The following MAU2 variants were observed in gnomAD, a reference collection of about 807,000 sequenced individuals.
MAU2 encodes the protein MAU2 sister chromatid cohesion factor.
A neutral mutation model predicts 89.1 loss-of-function variants in MAU2; 9 were observed. That is an observed-to-expected ratio of 0.10 (90% CI 0.06 to 0.18). MAU2 has a LOEUF of 0.18. Ranked by LOEUF, MAU2 falls within the 10% of genes least tolerant of loss-of-function variation. The probability of loss-of-function intolerance (pLI) is 1.00; values close to 1 mark genes in which losing one functional copy is unlikely to be tolerated. For synonymous variants in MAU2, 357 were observed against 343.4 expected, an observed-to-expected ratio of 1.04 and a Z score of -0.44; for missense variants, 425 against 803.5, an observed-to-expected ratio of 0.53 and a Z score of 5.69.
chr19:19,354,218 TC>T (rs1373148696), intron 16 of MAU2, 136 bp from the exon 17 acceptor site: 6 of 684,364 alleles, frequency 8.8e-6, no homozygotes, highest in Non-Finnish European at 1.6e-5. Flanking sequence ...GCATAGGAGT[TC>T]ACCAGACGCA....
Position 19,349,224 on chromosome 19 carries a change from C to G in MAU2, c.1428C>G (p.Asn476Lys). 6.2e-7 allele frequency: 1 copy of G among 1,614,204 alleles called. No individual in the cohort carries two copies. Among genetic ancestry groups the G allele is most frequent in the Non-Finnish European group, 8.5e-7 (1 of 1,180,050 alleles). ...GLFSFFQGRY[N>K]EAKRFLRETL... Reference sequence around the variant, plus strand: ...TCTCCTTCTTCCAGGGACGCTACAACGAGGCCAAGTAAGTGTGGGGCAGAG... The same window carrying G: ...TCTCCTTCTTCCAGGGACGCTACAAGGAGGCCAAGTAAGTGTGGGGCAGAG... The change falls in exon 15 of 19, where the codon AAC (asparagine) becomes AAG (lysine). Residue 476 changes from asparagine (N) to lysine (K), a missense_variant. Transcript: ENST00000262815.
rs749508328 is a variant in MAU2, at chr19:19,341,415, G to A, written c.735+8G>A. 6.2e-7 allele frequency: 1 copy of A among 1,613,342 alleles called. No homozygotes were observed. The highest frequency in any genetic ancestry group is 8.5e-7 in the Non-Finnish European group (1 of 1,179,940). On this transcript the variant is annotated splice_region_variant and intron_variant, in intron 7 of 18. Transcript: ENST00000262815. ...TATCTGGATGCCGGGCAGGTGTGTG[G>A]CGCCTCTCAGGCGAGCTGCTGGTTG...
intron 17 of MAU2, 156 bp downstream of exon 17, chr19:19,354,601 C>G: frequency 1.5e-6 from 1 of 664,098 alleles, no homozygotes; most frequent in Non-Finnish European, 2.7e-6. Flanking sequence ...CTCAGGAGAC[C>G]CTGGTTGAGG....
rs746140804 is a variant in MAU2, at chr19:19,341,260, G to A, written c.588G>A (p.Leu196=). 1.2e-6 allele frequency: 2 copies of A among 1,611,488 alleles called. No homozygotes were observed. The highest frequency in any genetic ancestry group is 1.7e-5 in the Admixed American group (1 of 60,022). ...CGCCTCTCCCTCCCCAGCTGCTGCTGATGGAGCGAAAGCTGCAGGAGGTGC... is the reference window on the plus strand; with the variant it reads ...CGCCTCTCCCTCCCCAGCTGCTGCTAATGGAGCGAAAGCTGCAGGAGGTGC... ...LFLLSKGMLL[L]MERKLQEVHP... The change falls in exon 7 of 19, where the codon CTG becomes CTA. Residue 196 remains leucine (L), a synonymous_variant. Transcript: ENST00000262815.
At chr19:19,333,340 G>C (rs1008481124) in intron 1 of MAU2, among the ~76,000 whole-genome samples, 3 of 152,184 alleles carry the variant, frequency 2.0e-5, no homozygotes, top group Non-Finnish European at 4.4e-5. Flanking sequence ...AAAAAAATTA[G>C]CCAGACGTGG....
chr19:19,354,536 C>T (rs923068800), intron 17 of MAU2, 91 bp downstream of exon 17: 30 of 1,153,588 alleles, frequency 2.6e-5, no homozygotes, highest in South Asian at 1.3e-4. Context: ...AGCCTTAGCT[C>T]GGACTAGGCC....
Position 19,355,800 on chromosome 19 carries a change from C to A in MAU2, c.*18C>A. 6.2e-7 allele frequency: 1 copy of A among 1,601,694 alleles called. No individual in the cohort carries two copies. Among genetic ancestry groups the A allele is most frequent in the African/African-American group, 1.3e-5 (1 of 75,048 alleles). On this transcript the variant is annotated 3_prime_UTR_variant, in exon 19 of 19. Coordinates refer to ENST00000262815, the MANE Select transcript of MAU2 (RefSeq NM_015329.4). Reference sequence around the variant, plus strand: ...TCCTGTGAGGCCTTGATGGGGCCATCCAGCTCCGCAGGGCCTGCGCGTCTC... The same window carrying A: ...TCCTGTGAGGCCTTGATGGGGCCATACAGCTCCGCAGGGCCTGCGCGTCTC...
intron 6 of MAU2, 38 bp from the exon 7 acceptor site, chr19:19,341,214 A>C: frequency 6.3e-7 from 1 of 1,588,972 alleles, no homozygotes; most frequent in Non-Finnish European, 8.6e-7. Context: ...GGGCCCCTGC[A>C]AGCCCTGTAC....
chr19:19,350,756 C>T (rs868006576), intron 16 of MAU2, among the ~76,000 whole-genome samples: 9 of 152,014 alleles, frequency 5.9e-5, no homozygotes, highest in East Asian at 3.9e-4. Flanking sequence ...AAAAATTAGC[C>T]GGGCATGGTG....
intron 1 of MAU2, 131 bp downstream of exon 1, chr19:19,321,266 G>A (rs1421075330): frequency 5.4e-6 from 6 of 1,120,884 alleles, no homozygotes; most frequent in Non-Finnish European, 3.6e-6. Flanking sequence ...CAAAGCCGCA[G>A]GACCCCCACC....
chr19:19,348,388 G>A (rs144260787), intron 13 of MAU2: 13 of 203,336 alleles, frequency 6.4e-5, no homozygotes, highest in Middle Eastern at 2.2e-3. Flanking sequence ...GCCCAGCCCC[G>A]GCTTAGTCAT....
chr19:19,338,961 T>G (rs2061618681), intron 5 of MAU2, 22 bp downstream of exon 5: 1 of 1,581,182 alleles, frequency 6.3e-7, no homozygotes. Context: ...CTCCCCTCCT[T>G]CCCTCCTGCT....
At position 19,340,835 on chromosome 19, in the gene MAU2, T is replaced by A; in HGVS notation, c.552-11T>A. ...CCTGCTAGGACCTGACCCCTGCCTC[T>A]TGTTTTGCAGGGCGCTGTTCCTCCT... On this transcript the variant is annotated splice_polypyrimidine_tract_variant and intron_variant, in intron 5 of 18. Coordinates refer to ENST00000262815, the MANE Select transcript of MAU2 (RefSeq NM_015329.4). 1 of 1,613,240 alleles carries A rather than the reference T, an allele frequency of 6.2e-7. No individual in the cohort carries two copies. Among genetic ancestry groups the A allele is most frequent in the Non-Finnish European group, 8.5e-7 (1 of 1,179,730 alleles).
chr19:19,332,934 AG>A (rs2061567582), intron 1 of MAU2, among the ~76,000 whole-genome samples: 1 of 152,106 alleles, frequency 6.6e-6, no homozygotes, highest in South Asian at 2.1e-4. Context: ...AAAATTAGCC[AG>A]GCATGGTGGC....
Position 19,342,688 on chromosome 19 carries a change from C to T in MAU2, c.882+7C>T, listed in dbSNP as rs752956836. On this transcript the variant is annotated splice_region_variant and intron_variant, in intron 8 of 18. Coordinates refer to ENST00000262815, the MANE Select transcript of MAU2 (RefSeq NM_015329.4). ...GTGTGTGCTTGTCTACCTGGTGCGT[C>T]CCCACCAGGGCCCGGGCCAGGGCTG... is the stretch of plus-strand genomic sequence containing the variant. The T allele has an allele frequency of 5.0e-6, 8 of 1,613,182 alleles. No homozygotes were observed. In the East Asian group the frequency reaches 1.8e-4, roughly 36 times the overall value.
rs142431656 is a variant in MAU2 at position 19,333,296 on chromosome 19, G to A, written c.277-2422G>A. 2.6e-3 allele frequency among the ~76,000 whole-genome samples: 390 copies of A among 152,222 alleles called. 2 individuals carry two copies. Among genetic ancestry groups the A allele is most frequent in the African/African-American group, 8.1e-3 (336 of 41,536 alleles). On this transcript the variant is annotated intron_variant, in intron 1 of 18. Transcript: ENST00000262815. ...GCCTAGGAACTCGAGACCAGTCTGGGCGGCGTAGCCAGACCCCATCTCTAC... is the reference window on the plus strand; with the variant it reads ...GCCTAGGAACTCGAGACCAGTCTGGACGGCGTAGCCAGACCCCATCTCTAC...
Position 19,348,900 on chromosome 19 carries a change from G to A in MAU2, c.1320G>A (p.Leu440=). 1 of 1,613,964 alleles carries A rather than the reference G, an allele frequency of 6.2e-7. No homozygotes were observed. The change falls in exon 14 of 19, where the codon CTG becomes CTA. Residue 440 remains leucine, a synonymous_variant. Coordinates refer to ENST00000262815, the MANE Select transcript of MAU2 (RefSeq NM_015329.4). The part of the protein sequence containing the change: ...GNRHQEVLYS[L]LERINPDHSF... ...TCTTTCCCCCGCAGCTCTACAGTCTGCTGGAGAGGATCAACCCGGACCACA... is the reference window on the plus strand; with the variant it reads ...TCTTTCCCCCGCAGCTCTACAGTCTACTGGAGAGGATCAACCCGGACCACA...
At chr19:19,327,294 T>C (rs1053894597) in intron 1 of MAU2, among the ~76,000 whole-genome samples, 24 of 147,760 alleles carry the variant, frequency 1.6e-4, no homozygotes, top group Non-Finnish European at 2.8e-4. Flanking sequence ...GCTAATTTTT[T>C]CTACTTGTAT....
In MAU2 at chr19:19,355,860, C is replaced by T. The variant is rs751127541; in HGVS notation, c.*78C>T. On this transcript the variant is annotated 3_prime_UTR_variant, in exon 19 of 19. Coordinates refer to ENST00000262815, the MANE Select transcript of MAU2 (RefSeq NM_015329.4). ...CCCAGACGGCACTCAAGCCTGCCCC[C>T]GAGGCGTGCTTCCTTCCTGATTGTC... is the stretch of plus-strand genomic sequence containing the variant. 48 of 1,312,086 alleles carry T rather than the reference C, an allele frequency of 3.7e-5. No individual in the cohort carries two copies. The highest frequency in any genetic ancestry group is 2.3e-4 in the East Asian group (10 of 43,476). The allele number at this position is 1,312,086 out of a possible 1,614,324, so 81.3% of individuals were successfully genotyped here. A position where few individuals can be genotyped will look rare whatever the true frequency, so the allele number is the denominator to read the frequency against.
Sources: allele counts gnomAD v4.1 joint callset (sites outside exome capture counted in the v4.1 genomes callset), GRCh38; gene constraint gnomAD v4.1.1; transcripts MANE v1.5; gene names NCBI Gene and HGNC (gene_info 2026-07-23, HGNC 2026-07-21).